The following ZC4H2 variants were observed in gnomAD, a reference collection of about 807,000 sequenced individuals.
ZC4H2 encodes the protein zinc finger C4H2-type containing.
For synonymous variants in ZC4H2, 84 were observed against 66.3 expected (o/e 1.27, Z -1.30); for missense variants, 137 against 173.9 (o/e 0.79, Z 1.19).
intron 1 of ZC4H2, among the ~76,000 whole-genome samples, chrX:64,969,630 C>G (rs1160590286): frequency 8.9e-6 from 1 of 111,776 alleles, no homozygotes; most frequent in Non-Finnish European, 1.9e-5. Context: ...TGCCTGGGAA[C>G]TTGTTAGAAA....
chrX:64,966,537 T>C (rs1461651303), intron 1 of ZC4H2, among the ~76,000 whole-genome samples: 1 of 112,241 alleles, frequency 8.9e-6, no homozygotes, highest in Non-Finnish European at 1.9e-5. Flanking sequence ...GCCAAAACAG[T>C]GGAAATAACT....
At chrX:65,018,046 C>T (rs1365400845) in intron 1 of ZC4H2, among the ~76,000 whole-genome samples, 2 of 111,766 alleles carry the variant, frequency 1.8e-5, no homozygotes, top group Non-Finnish European at 3.8e-5. Context: ...ACTCACAGAA[C>T]GGGATAAAAT....
chrX:65,006,621 A>G lies in ZC4H2; in HGVS notation c.-272+28008T>C, dbSNP rs1024806022. Among the ~76,000 whole-genome samples the G allele has an allele frequency of 2.7e-5, 3 of 110,892 alleles. No homozygotes were observed. The Admixed American group carries it at 2.9e-4, about 11-fold the overall frequency. On this transcript the variant is annotated intron_variant, in intron 1 of 4. Coordinates refer to the ZC4H2 transcript ENST00000337990. ...TATACCTAATGTAAATGACAAGTTA[A>G]TGGGTGCAGCACACCAACATGGCAC...
chrX:64,921,927 C>T lies in ZC4H2; in HGVS notation c.115G>A (p.Glu39Lys), dbSNP rs772877929. The T allele has an allele frequency of 7.4e-6, 9 of 1,211,039 alleles. No individual in the cohort carries two copies. In the South Asian group the frequency reaches 1.6e-4, roughly 21 times the overall value. ...TCCTTCAGGTGCCTTTCCTCTGACT[C>T]AAGTGCCTCAAACTCAGCCTTCAAA... ...ARLKAEFEAL[E>K]SEERHLKEYK... is the part of the protein sequence containing the mutation. Residue 39 changes from glutamate to lysine, a missense_variant, in exon 2 of 5, where the codon GAG becomes AAG. Coordinates refer to ENST00000374839, the MANE Select transcript of ZC4H2 (RefSeq NM_018684.4).
chrX:64,947,133 A>G (rs1930573133), intron 1 of ZC4H2, among the ~76,000 whole-genome samples: 1 of 112,098 alleles, frequency 8.9e-6, no homozygotes, highest in African/African-American at 3.2e-5. Context: ...AAGCGTGTGT[A>G]GATTTTTCTG....
At chrX:64,938,082 G>T (rs756469383) in intron 1 of ZC4H2, among the ~76,000 whole-genome samples, 2 of 111,499 alleles carry the variant, frequency 1.8e-5, no homozygotes, top group South Asian at 7.5e-4. Flanking sequence ...AATAGACACA[G>T]TAAAAAACGA....
At chrX:65,030,411 C>T (rs755396442) in intron 1 of ZC4H2, among the ~76,000 whole-genome samples, 1 of 112,050 alleles carries the variant, frequency 8.9e-6, no homozygotes, top group South Asian at 3.8e-4. Context: ...CTGTGTCTAG[C>T]TGACCCTTTA....
intron 1 of ZC4H2, among the ~76,000 whole-genome samples, chrX:64,972,456 A>G (rs1188692463): frequency 1.8e-5 from 2 of 111,954 alleles, no homozygotes; most frequent in African/African-American, 3.2e-5. Flanking sequence ...AGCAAACATT[A>G]TTTCTTTAAC....
chrX:64,941,655 A>C (rs1359741257), intron 1 of ZC4H2, among the ~76,000 whole-genome samples: 1 of 111,567 alleles, frequency 9.0e-6, no homozygotes, highest in Non-Finnish European at 1.9e-5. Flanking sequence ...AATAATCATG[A>C]GGTTTTTGTC....
intron 1 of ZC4H2, among the ~76,000 whole-genome samples, chrX:64,989,586 T>G (rs775998738): frequency 4.5e-5 from 5 of 112,107 alleles, no homozygotes; most frequent in African/African-American, 1.6e-4. Context: ...TGAAAGAAGA[T>G]GAAAAGACAA....
chrX:64,946,032 C>T (rs936832816), intron 1 of ZC4H2, among the ~76,000 whole-genome samples: 2 of 111,085 alleles, frequency 1.8e-5, no homozygotes, highest in Admixed American at 9.6e-5. Context: ...GGGGTGGGAC[C>T]TGCTAAGCGA....
chrX:64,943,459 G>A (rs1478431753), intron 1 of ZC4H2, among the ~76,000 whole-genome samples: 1 of 111,542 alleles, frequency 9.0e-6, no homozygotes. Context: ...TTATTGTGTG[G>A]AAGTCTTAGT....
chrX:65,019,956 A>G (rs904923911), intron 1 of ZC4H2, among the ~76,000 whole-genome samples: 1 of 112,146 alleles, frequency 8.9e-6, no homozygotes, highest in African/African-American at 3.2e-5. Context: ...GACCAACTCA[A>G]TGAAATAAAG....
chrX:65,021,768 T>C (rs760881806), intron 1 of ZC4H2, among the ~76,000 whole-genome samples: 5 of 110,344 alleles, frequency 4.5e-5, no homozygotes, highest in African/African-American at 6.7e-5. Flanking sequence ...ACAAAATAGA[T>C]AGACCACAAG....
intron 1 of ZC4H2, among the ~76,000 whole-genome samples, chrX:64,925,118 C>T (rs779953716): frequency 9.0e-6 from 1 of 111,673 alleles, no homozygotes; most frequent in African/African-American, 3.3e-5. Context: ...TAGGGTCCTT[C>T]TTTCTCCACT....
intron 1 of ZC4H2, among the ~76,000 whole-genome samples, chrX:64,991,530 G>A (rs1157710094): frequency 9.0e-6 from 1 of 111,652 alleles, no homozygotes; most frequent in Non-Finnish European, 1.9e-5. Context: ...GAGAAACATA[G>A]CATCACCCTG....
intron 1 of ZC4H2, among the ~76,000 whole-genome samples, chrX:64,929,390 TTTTG>T (rs1279507824): frequency 1.8e-5 from 2 of 112,033 alleles, no homozygotes; most frequent in Admixed American, 9.5e-5. Flanking sequence ...ATTTATTTAT[TTTTG>T]TTTTAGTTGC....
At chrX:64,990,797 A>T (rs1201685295) in intron 1 of ZC4H2, among the ~76,000 whole-genome samples, 2 of 111,052 alleles carry the variant, frequency 1.8e-5, no homozygotes, top group African/African-American at 6.6e-5. Flanking sequence ...CCTCAGATGA[A>T]TTATTCTCAG....
intron 1 of ZC4H2, among the ~76,000 whole-genome samples, chrX:64,940,250 G>A (rs1292734532): frequency 9.0e-6 from 1 of 111,672 alleles, no homozygotes; most frequent in African/African-American, 3.3e-5. Flanking sequence ...ACTTTTTAAT[G>A]GGGTTGGTTT....
Sources: gnomAD v4.1 joint callset for allele counts (sites outside exome capture counted in the v4.1 genomes callset) on GRCh38, gnomAD v4.1.1 for gene constraint, MANE v1.5 for transcripts, NCBI Gene and HGNC (gene_info 2026-07-23, HGNC 2026-07-21) for gene names.